CNTN6: variants seen among roughly 807,000 people sequenced by gnomAD.
CNTN6 encodes contactin-6.
A neutral mutation model predicts 122.8 loss-of-function variants in CNTN6; 137 were observed. That is an observed-to-expected ratio of 1.12 (90% confidence interval 0.97 to 1.29). CNTN6 has a LOEUF of 1.29. CNTN6 is among the 50% of genes most tolerant of loss of function. CNTN6 has a pLI of 0.00. For missense variants in CNTN6, 1,634 were observed against 1,223.4 expected, an observed-to-expected ratio of 1.34 and a Z score of -5.01; for synonymous variants, 570 against 426.0, an observed-to-expected ratio of 1.34 and a Z score of -4.16.
chr3:1,191,614 A>C (rs1449941550), intron 2 of CNTN6, among the ~76,000 whole-genome samples: 1 of 152,108 alleles, frequency 6.6e-6, no homozygotes, highest in Non-Finnish European at 1.5e-5. Context: ...GTTACAGCAA[A>C]TTATCTCATC....
intron 3 of CNTN6, among the ~76,000 whole-genome samples, chr3:1,226,988 T>C (rs546600178): frequency 6.6e-6 from 1 of 152,278 alleles, no homozygotes; most frequent in Admixed American, 6.5e-5. Context: ...TTGGGGATTT[T>C]GATGGAGTTG....
chr3:1,103,297 G>A (rs955790458), intron 1 of CNTN6, among the ~76,000 whole-genome samples: 1 of 152,092 alleles, frequency 6.6e-6, no homozygotes, highest in Non-Finnish European at 1.5e-5. Flanking sequence ...GTAGAATTTT[G>A]ACAGCCCTAT....
At chr3:1,168,986 G>A (rs998803717) in intron 2 of CNTN6, among the ~76,000 whole-genome samples, 5 of 152,060 alleles carry the variant, frequency 3.3e-5, no homozygotes, top group South Asian at 2.1e-4. Flanking sequence ...TTAAAAAGGC[G>A]TATTCCTGGC....
intron 2 of CNTN6, among the ~76,000 whole-genome samples, chr3:1,194,193 G>A (rs932727158): frequency 6.6e-6 from 1 of 152,080 alleles, no homozygotes; most frequent in East Asian, 1.9e-4. Flanking sequence ...CTAGGTGAGC[G>A]CTGCCCCAAG....
At chr3:1,105,743 C>T (rs2091189267) in intron 1 of CNTN6, among the ~76,000 whole-genome samples, 2 of 152,050 alleles carry the variant, frequency 1.3e-5, no homozygotes, top group African/African-American at 2.4e-5. Context: ...AATATAGGTC[C>T]AGTGTTATCA....
At chr3:1,264,377 G>T (rs946831226) in intron 4 of CNTN6, among the ~76,000 whole-genome samples, 4 of 152,060 alleles carry the variant, frequency 2.6e-5, no homozygotes, top group African/African-American at 9.7e-5. Flanking sequence ...AAATTATAAT[G>T]CAATGCAAGC....
intron 10 of CNTN6, 110 bp from the exon 11 acceptor site, chr3:1,329,675 A>G (rs1702018576): frequency 1.2e-6 from 1 of 850,884 alleles, no homozygotes; most frequent in Non-Finnish European, 1.7e-6. Context: ...TAACCTGAAA[A>G]GAGGATACAG....
At chr3:1,314,841 C>T (rs143736211) in intron 7 of CNTN6, among the ~76,000 whole-genome samples, 13 of 152,060 alleles carry the variant, frequency 8.5e-5, no homozygotes, top group Non-Finnish European at 1.6e-4. Context: ...TTTCAGGCAA[C>T]CTTCATTTAG....
chr3:1,385,555 A>G, intron 19 of CNTN6, 56 bp from the exon 20 acceptor site: 1 of 1,396,948 alleles, frequency 7.2e-7, no homozygotes, highest in Non-Finnish European at 9.8e-7. Flanking sequence ...TTGGTAAAAA[A>G]TGATTGATAG....
At chr3:1,354,175 T>C (rs1430569445) in intron 12 of CNTN6, among the ~76,000 whole-genome samples, 1 of 151,514 alleles carries the variant, frequency 6.6e-6, no homozygotes, top group Admixed American at 6.6e-5. Flanking sequence ...GCCACTGGAC[T>C]GCATTCTGGA....
chr3:1,279,075 C>G (rs990136481), intron 5 of CNTN6, among the ~76,000 whole-genome samples: 3 of 152,136 alleles, frequency 2.0e-5, no homozygotes, highest in South Asian at 2.1e-4. Flanking sequence ...ACATTAATTA[C>G]CGGAAGGGAT....
rs1404153225 is a variant in CNTN6 at position 1,372,386 on chromosome 3, C to T, written c.1580C>T (p.Pro527Leu). Residue 527 changes from proline (P) to leucine (L), a missense_variant, in exon 13 of 23, where the codon CCC (proline) becomes CTC (leucine). Physicochemically the swap from Pro to Leu is moderately conservative, Grantham distance 98 (BLOSUM62 -3). Transcript: ENST00000446702. Reference protein sequence around the residue: ...IVLPCQVSHDPSIEVVFVWFF... With the variant: ...IVLPCQVSHDLSIEVVFVWFF... ...CTACCATGCCAGGTGTCCCATGACC[C>T]CTCCATTGAAGTGGTATTTGTATGG... The T allele has an allele frequency of 1.2e-6, 2 of 1,612,338 alleles. No individual in the cohort carries two copies. The highest frequency in any genetic ancestry group is 1.7e-6 in the Non-Finnish European group (2 of 1,178,682).
intron 1 of CNTN6, among the ~76,000 whole-genome samples, chr3:1,130,742 C>G (rs1559368172): frequency 1.3e-5 from 2 of 152,200 alleles, no homozygotes; most frequent in East Asian, 3.9e-4. Flanking sequence ...AATGTTTGAT[C>G]AGTACATCAA....
At chr3:1,369,089 C>T (rs1708623362) in intron 12 of CNTN6, among the ~76,000 whole-genome samples, 1 of 152,164 alleles carries the variant, frequency 6.6e-6, no homozygotes, top group Non-Finnish European at 1.5e-5. Context: ...CTTTTTCACA[C>T]AGTTTCTCTG....
At chr3:1,191,900 A>G (rs2093707609) in intron 2 of CNTN6, among the ~76,000 whole-genome samples, 1 of 152,228 alleles carries the variant, frequency 6.6e-6, no homozygotes, top group African/African-American at 2.4e-5. Flanking sequence ...TGTGAGTAGA[A>G]TAACAGCTTT....
At chr3:1,386,248 T>G (rs888466641) in intron 20 of CNTN6, among the ~76,000 whole-genome samples, 1 of 149,088 alleles carries the variant, frequency 6.7e-6, no homozygotes, top group Non-Finnish European at 1.5e-5. Context: ...CCTTAATATA[T>G]GCTCAGTAAA....
At chr3:1,330,792 T>TA (rs1051775747) in intron 11 of CNTN6, among the ~76,000 whole-genome samples, 5 of 151,836 alleles carry the variant, frequency 3.3e-5, no homozygotes, top group Non-Finnish European at 7.4e-5. Flanking sequence ...TAAAGTGTGT[T>TA]AAAAAATGAC....
intron 2 of CNTN6, among the ~76,000 whole-genome samples, chr3:1,204,543 G>T: frequency 7.0e-6 from 1 of 143,248 alleles, no homozygotes; most frequent in South Asian, 2.2e-4. Flanking sequence ...ACCTCCTGCT[G>T]TTGTTTCTGC....
rs1409725177 is a variant in CNTN6, at chr3:1,178,121, G to C, written c.55+30058G>C. On this transcript the variant is annotated intron_variant, in intron 2 of 22. Transcript: ENST00000446702. ...TCACCATGTTGGCCAGGCTGGTCTT[G>C]AACTCCTAACCTCAAATGATCCACC... Among the ~76,000 whole-genome samples the C allele has an allele frequency of 5.9e-5, 9 of 151,852 alleles. No individual in the cohort carries two copies. The East Asian group carries it at 9.7e-4, about 16-fold the overall frequency.
Sources: gnomAD v4.1 joint callset for allele counts (sites outside exome capture counted in the v4.1 genomes callset) on GRCh38, gnomAD v4.1.1 for gene constraint, MANE v1.5 for transcripts, NCBI Gene and HGNC (gene_info 2026-07-23, HGNC 2026-07-21) for gene names.